The following SI variants were observed in gnomAD, a reference collection of about 807,000 sequenced individuals.
SI encodes the protein sucrase-isomaltase, intestinal.
SI carries 235 observed loss-of-function variants against 253.3 expected under a neutral mutation model. That is an observed-to-expected ratio of 0.93 (90% CI 0.83 to 1.03). The LOEUF is 1.03. Ranked by LOEUF, SI falls within the 50% of genes least tolerant of loss-of-function variation. The probability of loss-of-function intolerance (pLI) is 0.00; values close to 1 mark genes in which losing one functional copy is unlikely to be tolerated. For missense variants in SI, 2,442 were observed against 2,211.1 expected (o/e 1.10, Z -2.09); for synonymous variants, 819 against 712.0 (o/e 1.15, Z -2.39).
intron 28 of SI, 70 bp downstream of exon 28, chr3:165,019,532 A>T: frequency 7.3e-7 from 1 of 1,368,988 alleles, no homozygotes; most frequent in Non-Finnish European, 1.0e-6. Context: ...GCACAGGCCC[A>T]TAAAGAAGTG....
At chr3:165,045,237 A>T (rs1180397238) in intron 16 of SI, among the ~76,000 whole-genome samples, 1 of 152,054 alleles carries the variant, frequency 6.6e-6, no homozygotes, top group Non-Finnish European at 1.5e-5. Flanking sequence ...TTTAAATTGG[A>T]ATTCCACAAA....
intron 38 of SI, 71 bp downstream of exon 38, chr3:164,998,469 C>A: frequency 6.7e-7 from 1 of 1,498,760 alleles, no homozygotes; most frequent in Non-Finnish European, 9.3e-7. Flanking sequence ...AATGTTATGA[C>A]CTAGCACCAG....
At position 165,019,838 on chromosome 3, in the gene SI, G is replaced by A. The variant is rs563629035; in HGVS notation, c.3255-68C>T. 125 of 1,321,286 alleles carry A rather than the reference G, an allele frequency of 9.5e-5. No individual in the cohort carries two copies. In the African/African-American group the frequency reaches 1.5e-3, roughly 16 times the overall value. 81.8% of individuals were successfully genotyped at this position (1,321,286 alleles called of 1,614,324 possible). On this transcript the variant is annotated intron_variant, in intron 27 of 47. Transcript: ENST00000264382. ...GCAAAGTAGTATCACAAATAATAAC[G>A]GTAATTCTTTCTTAGATTATCTAAA...
intron 6 of SI, among the ~76,000 whole-genome samples, chr3:165,066,785 C>T (rs1167487218): frequency 6.6e-6 from 1 of 151,780 alleles, no homozygotes; most frequent in South Asian, 2.1e-4. Flanking sequence ...AGAGTAATTG[C>T]TGAGATTTAA....
chr3:165,025,303 A>G lies in SI; in HGVS notation c.2893-1527T>C, dbSNP rs540966394. On this transcript the variant is annotated intron_variant, in intron 25 of 47. Transcript: ENST00000264382. ...TAACTCAATCCAATAAAGACAAAGA[A>G]AAAAGAAGAAGACAATATGAACACA... is the stretch of plus-strand genomic sequence containing the variant. 3.3e-5 allele frequency among the ~76,000 whole-genome samples: 5 copies of G among 151,454 alleles called. 1 individual carries two copies. In the South Asian group the frequency reaches 1.0e-3, roughly 31 times the overall value.
At chr3:165,012,679 C>G (rs1718826496) in intron 34 of SI, among the ~76,000 whole-genome samples, 1 of 152,058 alleles carries the variant, frequency 6.6e-6, no homozygotes, top group African/African-American at 2.4e-5. Flanking sequence ...ATCCACCCAC[C>G]TTGGCCTCCC....
chr3:165,067,343 G>A lies in SI; in HGVS notation c.632C>T (p.Thr211Ile), dbSNP rs768467752. The A allele has an allele frequency of 3.7e-6, 6 of 1,605,628 alleles. No individual in the cohort carries two copies. The African/African-American group carries it at 8.0e-5, about 21-fold the overall frequency. The change falls in exon 6 of 48, where the codon ACT (threonine) becomes ATT (isoleucine). Residue 211 changes from threonine (T) to isoleucine (I), a missense_variant. Coordinates refer to ENST00000264382, the MANE Select transcript of SI (RefSeq NM_001041.4). ...AATTGTAAAATAATACACTTACAAA[G>A]TTTTACCGTTGCTTTTCCTAATAAC... ...IQVIRKSNGK[T>I]LFDTSIGPLV... is the part of the protein sequence containing the mutation.
chr3:165,081,305 G>A (rs1715314421), upstream of SI, among the ~76,000 whole-genome samples: 1 of 151,922 alleles, frequency 6.6e-6, no homozygotes, highest in Admixed American at 6.6e-5. Context: ...CCCAAATTGA[G>A]TTGGATAGTC....
chr3:165,063,335 A>G (rs1006238694), intron 8 of SI, 107 bp downstream of exon 8: 3 of 602,470 alleles, frequency 5.0e-6, no homozygotes, highest in East Asian at 3.0e-5. Flanking sequence ...AATATTAACT[A>G]TAATAGAGTT....
chr3:165,030,877 C>CAAAAAAAAAAAAAAAA lies in SI; in HGVS notation c.2737-11_2737-10insTTTTTTTTTTTTTTTT. On this transcript the variant is annotated splice_polypyrimidine_tract_variant and intron_variant, in intron 24 of 47. Transcript: ENST00000264382. ...CTGCAATTAGGAGAACCTTTGAAGA[C>CAAAAAAAAAAAAAAAA]AAAAAAAAAAAAAGAAAAAAAGAAA... 1.6e-6 allele frequency: 2 copies of CAAAAAAAAAAAAAAAA among 1,213,836 alleles called. No individual in the cohort carries two copies. The highest frequency in any genetic ancestry group is 1.9e-5 in the South Asian group (1 of 52,060). The allele number at this position is 1,213,836 out of a possible 1,614,324, so 75.2% of individuals were successfully genotyped here.
chr3:165,005,474 C>T (rs1718460357), intron 37 of SI, among the ~76,000 whole-genome samples: 3 of 152,092 alleles, frequency 2.0e-5, no homozygotes, highest in South Asian at 2.1e-4. Context: ...TACCCACCTA[C>T]TATGTGCACA....
chr3:164,991,539 G>C lies in SI; in HGVS notation c.4984-62C>G, dbSNP rs1185079455. The C allele has an allele frequency of 9.7e-6, 15 of 1,543,436 alleles. No individual in the cohort carries two copies. In the Middle Eastern group the frequency reaches 5.1e-4, roughly 52 times the overall value. Reference sequence around the variant, plus strand: ...AGAAATGGAATCATCAGCAACACTGGTAGTTGAGGATATACATTTTAAAAA... The same window carrying C: ...AGAAATGGAATCATCAGCAACACTGCTAGTTGAGGATATACATTTTAAAAA... On this transcript the variant is annotated intron_variant, in intron 43 of 47. Coordinates refer to ENST00000264382, the MANE Select transcript of SI (RefSeq NM_001041.4).
rs1230612346 is a variant in SI at position 164,991,612 on chromosome 3, ATCTT to A, written c.4984-139_4984-136del. ...TAAAAAATTCACATTTATTCAGAAA[ATCTT>A]AATTTGTTTCACTATAGTAACCATT... On this transcript the variant is annotated intron_variant, in intron 43 of 47. Coordinates refer to ENST00000264382, the MANE Select transcript of SI (RefSeq NM_001041.4). 3.1e-6 allele frequency: 3 copies of A among 958,886 alleles called. No individual in the cohort carries two copies. The South Asian group carries it at 4.4e-5, about 14-fold the overall frequency. The allele number at this position is 958,886 out of a possible 1,614,324, so 59.4% of individuals were successfully genotyped here. A position where few individuals can be genotyped will look rare whatever the true frequency, so the allele number is the denominator to read the frequency against.
chr3:165,064,664 A>C (rs1171703351), intron 7 of SI, among the ~76,000 whole-genome samples: 7 of 152,122 alleles, frequency 4.6e-5, no homozygotes, highest in Non-Finnish European at 1.0e-4. Flanking sequence ...TTATTATACT[A>C]AGTCAAGTAT....
chr3:165,077,520 CA>C (rs936214891), intron 1 of SI, among the ~76,000 whole-genome samples: 1 of 151,548 alleles, frequency 6.6e-6, no homozygotes, highest in African/African-American at 2.4e-5. Context: ...TCTTAGTATA[CA>C]ATTTTCTGTT....
At chr3:164,987,317 C>T (rs946864745) in intron 44 of SI, 91 bp from the exon 45 acceptor site, 15 of 1,050,594 alleles carry the variant, frequency 1.4e-5, no homozygotes, top group South Asian at 3.8e-5. Flanking sequence ...TCTATAGGAA[C>T]CCAAGCATTA....
chr3:165,048,556 C>CAT (rs765703591), intron 15 of SI, among the ~76,000 whole-genome samples: 2,521 of 104,516 alleles, frequency 0.024, 30 homozygotes, highest in Middle Eastern at 0.034. Flanking sequence ...TATATATATA[C>CAT]ATATATATAT....
chr3:164,989,373 GAAGAAAGAAAGA>G (rs1296221584), intron 44 of SI, among the ~76,000 whole-genome samples: 1 of 120,612 alleles, frequency 8.3e-6, no homozygotes, highest in Admixed American at 9.5e-5. Flanking sequence ...AGAAAGAAAG[GAAGAAAGAAAGA>G]AAGGAAGAAA....
intron 44 of SI, among the ~76,000 whole-genome samples, chr3:164,989,336 CA>C (rs1159349180): frequency 1.7e-5 from 2 of 120,000 alleles, no homozygotes; most frequent in Non-Finnish European, 1.7e-5. Context: ...AAGACTCTGT[CA>C]AAAAAAAGAG....
Sources: allele counts gnomAD v4.1 joint callset (sites outside exome capture counted in the v4.1 genomes callset), GRCh38; gene constraint gnomAD v4.1.1; transcripts MANE v1.5; gene names NCBI Gene and HGNC (gene_info 2026-07-23, HGNC 2026-07-21).